The following SLC15A5 variants were observed in gnomAD, a reference collection of about 807,000 sequenced individuals.
SLC15A5 encodes the protein solute carrier family 15 member 5, also known as Peptide/histidine transporter ENSP00000340402.
SLC15A5 carries 58 observed loss-of-function variants against 56.1 expected under a neutral mutation model. That is an observed-to-expected ratio of 1.03 (90% CI 0.84 to 1.29). The LOEUF (loss-of-function observed/expected upper bound fraction) is 1.29. Among genes scored for constraint, SLC15A5 ranks in the 50% most tolerant of loss-of-function variants. The pLI is 0.00. For missense variants in SLC15A5, 681 were observed against 672.1 expected, an observed-to-expected ratio of 1.01 and a Z score of -0.15; for synonymous variants, 264 against 250.5, an observed-to-expected ratio of 1.05 and a Z score of -0.51.
At chr12:16,261,357 C>T (rs961643135) in intron 2 of SLC15A5, among the ~76,000 whole-genome samples, 1 of 152,100 alleles carries the variant, frequency 6.6e-6, no homozygotes, top group African/African-American at 2.4e-5. Context: ...TTTAATCTGG[C>T]TTCTTTCACT....
intron 2 of SLC15A5, among the ~76,000 whole-genome samples, chr12:16,266,850 A>G (rs1028122843): frequency 1.3e-4 from 20 of 152,178 alleles, no homozygotes; most frequent in African/African-American, 4.8e-4. Flanking sequence ...TCTTTAGCCT[A>G]CTTTTAAATA....
chr12:16,240,273 A>G (rs1864400300), intron 4 of SLC15A5, among the ~76,000 whole-genome samples: 1 of 152,176 alleles, frequency 6.6e-6, no homozygotes, highest in African/African-American at 2.4e-5. Context: ...TTTTACCCTG[A>G]TGAAAAAAAT....
At chr12:16,266,007 C>T (rs894179858) in intron 2 of SLC15A5, among the ~76,000 whole-genome samples, 16 of 152,082 alleles carry the variant, frequency 1.1e-4, no homozygotes, top group East Asian at 3.9e-4. Context: ...ACAAACACAA[C>T]GTAAAAAAAC....
At chr12:16,216,691 C>T (rs1480078334) in intron 7 of SLC15A5, among the ~76,000 whole-genome samples, 1 of 152,038 alleles carries the variant, frequency 6.6e-6, no homozygotes, top group Admixed American at 6.6e-5. Context: ...CTGTAATTAC[C>T]TCCTCCTATC....
chr12:16,208,396 G>C (rs1446067251), intron 7 of SLC15A5, among the ~76,000 whole-genome samples: 1 of 152,152 alleles, frequency 6.6e-6, no homozygotes, highest in African/African-American at 2.4e-5. Context: ...AAAGTATTAG[G>C]TGTGGTGGCT....
At chr12:16,226,730 T>G (rs1207289049) in intron 5 of SLC15A5, among the ~76,000 whole-genome samples, 1 of 152,132 alleles carries the variant, frequency 6.6e-6, no homozygotes, top group Non-Finnish European at 1.5e-5. Context: ...TCCTTTTACT[T>G]TTGAGGAATT....
chr12:16,224,275 A>G (rs1864216799), intron 6 of SLC15A5, 139 bp downstream of exon 6: 3 of 720,810 alleles, frequency 4.2e-6, no homozygotes, highest in South Asian at 2.9e-5. Context: ...AAAGTAATAA[A>G]TAAATTTGCT....
intron 7 of SLC15A5, among the ~76,000 whole-genome samples, chr12:16,214,563 A>G (rs1352408430): frequency 2.0e-5 from 3 of 152,164 alleles, no homozygotes; most frequent in African/African-American, 4.8e-5. Context: ...GATTCAATCA[A>G]TGGTGCCTAT....
Position 16,270,633 on chromosome 12 carries a change from C to T in SLC15A5, c.584+1928G>A, listed in dbSNP as rs143077454. Among the ~76,000 whole-genome samples the T allele has an allele frequency of 8.7e-4, 132 of 152,240 alleles. 1 individual carries two copies. The highest frequency in any genetic ancestry group is 3.0e-3 in the African/African-American group (124 of 41,556). On this transcript the variant is annotated intron_variant, in intron 2 of 8. Coordinates refer to ENST00000344941, the MANE Select transcript of SLC15A5 (RefSeq NM_001170798.1). ...TATATATAAGTGATACAATAGCTCT[C>T]CAAGATATTCCCACTTTGTGGATGA...
intron 8 of SLC15A5, among the ~76,000 whole-genome samples, chr12:16,190,692 G>C (rs566874622): frequency 3.3e-5 from 5 of 151,972 alleles, no homozygotes; most frequent in Non-Finnish European, 7.4e-5. Context: ...ATTTGTGAAG[G>C]TTTCAAAAGT....
At chr12:16,250,703 A>G (rs1864511265) in intron 3 of SLC15A5, among the ~76,000 whole-genome samples, 1 of 152,020 alleles carries the variant, frequency 6.6e-6, no homozygotes, top group South Asian at 2.1e-4. Context: ...AGTTGGGTTT[A>G]TTCTTAAAAG....
chr12:16,249,234 G>A (rs911332817), intron 3 of SLC15A5, among the ~76,000 whole-genome samples: 1 of 151,992 alleles, frequency 6.6e-6, no homozygotes, highest in African/African-American at 2.4e-5. Flanking sequence ...ATAATGAAAT[G>A]CATGGTCCAC....
chr12:16,199,180 G>T lies in SLC15A5; in HGVS notation c.1484-4727C>A, dbSNP rs539190516. On this transcript the variant is annotated intron_variant, in intron 7 of 8. Coordinates refer to ENST00000344941, the MANE Select transcript of SLC15A5 (RefSeq NM_001170798.1). Reference sequence around the variant, plus strand: ...ACAAAGCCTGCCCCCCACAGACCCTGCTTGTTCACTGTATGCCTGAGTGCA... The same window carrying T: ...ACAAAGCCTGCCCCCCACAGACCCTTCTTGTTCACTGTATGCCTGAGTGCA... 6.1e-4 allele frequency among the ~76,000 whole-genome samples: 92 copies of T among 151,838 alleles called. 1 individual carries two copies. The highest frequency in any genetic ancestry group is 2.2e-3 in the African/African-American group (91 of 41,408).
intron 7 of SLC15A5, among the ~76,000 whole-genome samples, chr12:16,213,267 C>T (rs1692220805): frequency 1.3e-5 from 2 of 152,114 alleles, no homozygotes; most frequent in African/African-American, 4.8e-5. Context: ...TTACTGAACA[C>T]TTACTATGCA....
chr12:16,190,085 G>T (rs1863826619), intron 8 of SLC15A5, among the ~76,000 whole-genome samples: 1 of 152,184 alleles, frequency 6.6e-6, no homozygotes, highest in Admixed American at 6.5e-5. Flanking sequence ...CAGAGAGATG[G>T]TGAGAAGGCT....
At chr12:16,224,344 T>C in intron 6 of SLC15A5, 70 bp downstream of exon 6, 1 of 1,391,460 alleles carries the variant, frequency 7.2e-7, no homozygotes, top group Non-Finnish European at 9.6e-7. Context: ...TTAATTGTTC[T>C]GGTTGAGGTG....
intron 2 of SLC15A5, among the ~76,000 whole-genome samples, chr12:16,261,607 G>A (rs1005696314): frequency 3.3e-5 from 5 of 152,100 alleles, no homozygotes; most frequent in African/African-American, 1.2e-4. Context: ...TGTAATGGCT[G>A]GGTGATATGA....
chr12:16,271,185 G>T lies in SLC15A5; in HGVS notation c.584+1376C>A. Among the ~76,000 whole-genome samples the T allele has an allele frequency of 6.6e-6, 1 of 152,028 alleles. No homozygotes were observed. On this transcript the variant is annotated intron_variant, in intron 2 of 8. Transcript: ENST00000344941. This position sits in a 1 kb window ranked among gnomAD's most constrained non-coding sequence, Gnocchi z 8.0. ...TGGGAGTCCCCTCTGTTTCCCAAAG[G>T]AAATATTTCATTCATATAATGTCTC...
chr12:16,192,380 A>T (rs1863845648), intron 8 of SLC15A5, among the ~76,000 whole-genome samples: 1 of 152,092 alleles, frequency 6.6e-6, no homozygotes, highest in South Asian at 2.1e-4. Flanking sequence ...AATGAACTTT[A>T]CATTTTTACT....
Sources: gnomAD v4.1 joint callset for allele counts (sites outside exome capture counted in the v4.1 genomes callset) on GRCh38, gnomAD v4.1.1 for gene constraint, Gnocchi (gnomAD v3.1) non-coding constraint, MANE v1.5 for transcripts, NCBI Gene and HGNC (gene_info 2026-07-23, HGNC 2026-07-21) for gene names.